MYO5B: variants seen among roughly 807,000 people sequenced by gnomAD.
The protein encoded by MYO5B is myosin VB.
Under a neutral mutation model 229.3 loss-of-function variants are expected in MYO5B, and 143 were observed. That is an observed-to-expected ratio of 0.62 (90% CI 0.54 to 0.72). The LOEUF is 0.72. MYO5B is among the 30% of genes least tolerant of loss of function. The probability of loss-of-function intolerance (pLI) is 0.00; values close to 1 mark genes in which losing one functional copy is unlikely to be tolerated. For synonymous variants in MYO5B, 918 were observed against 885.2 expected (o/e 1.04, Z -0.66); for missense variants, 2,321 against 2,331.0 (o/e 1.00, Z 0.09).
At chr18:50,049,050 G>A (rs553897457) in intron 2 of MYO5B, among the ~76,000 whole-genome samples, 1 of 149,496 alleles carries the variant, frequency 6.7e-6, no homozygotes, top group Admixed American at 6.7e-5. Context: ...AAAGTGTGAA[G>A]TTGGAGGACT....
At chr18:49,971,817 G>A (rs1356464345) in intron 10 of MYO5B, among the ~76,000 whole-genome samples, 1 of 152,188 alleles carries the variant, frequency 6.6e-6, no homozygotes, top group Non-Finnish European at 1.5e-5. Context: ...ACTCAGCACT[G>A]CATTGAGCTA....
At chr18:49,863,028 A>G (rs2024349632) in intron 29 of MYO5B, among the ~76,000 whole-genome samples, 199 bp downstream of exon 29, 1 of 151,936 alleles carries the variant, frequency 6.6e-6, no homozygotes, top group Admixed American at 6.5e-5. Context: ...TGGGCTCTAG[A>G]TGCTGAGAGC....
chr18:50,177,353 G>T (rs1375251081), intron 1 of MYO5B, among the ~76,000 whole-genome samples: 1 of 152,130 alleles, frequency 6.6e-6, no homozygotes, highest in African/African-American at 2.4e-5. Context: ...ATTTTAAGGT[G>T]GCAGCTACAA....
chr18:50,068,854 T>C (rs1359840544), intron 1 of MYO5B, among the ~76,000 whole-genome samples: 2 of 152,202 alleles, frequency 1.3e-5, no homozygotes, highest in African/African-American at 4.8e-5. Context: ...CATTTGCACT[T>C]ATCATTTAAC....
chr18:50,077,190 A>AAAAAAAAAAAAC (rs2031102559), intron 1 of MYO5B, among the ~76,000 whole-genome samples: 1 of 150,358 alleles, frequency 6.7e-6, no homozygotes, highest in African/African-American at 2.5e-5. Flanking sequence ...AAAAAAAAAA[A>AAAAAAAAAAAAC]AAAGACAACT....
At chr18:50,143,484 A>G (rs2032449250) in intron 1 of MYO5B, among the ~76,000 whole-genome samples, 1 of 152,218 alleles carries the variant, frequency 6.6e-6, no homozygotes, top group Non-Finnish European at 1.5e-5. Flanking sequence ...GTTGTTGAAC[A>G]GCACCGGCTG....
chr18:49,926,507 C>T (rs942994436), intron 17 of MYO5B, among the ~76,000 whole-genome samples: 1 of 152,196 alleles, frequency 6.6e-6, no homozygotes, highest in Non-Finnish European at 1.5e-5. Context: ...CACTGTTCAG[C>T]TCAGCTCCAA....
chr18:50,078,678 G>A (rs371218924), intron 1 of MYO5B, among the ~76,000 whole-genome samples: 1 of 152,160 alleles, frequency 6.6e-6, no homozygotes, highest in Non-Finnish European at 1.5e-5. Flanking sequence ...CTCTTCAGCA[G>A]TATCTGCTAA....
intron 1 of MYO5B, among the ~76,000 whole-genome samples, chr18:50,165,917 G>C (rs2032844753): frequency 6.6e-6 from 1 of 152,154 alleles, no homozygotes; most frequent in Admixed American, 6.5e-5. Flanking sequence ...ATCAAGATTT[G>C]TGTCAAAAAA....
At chr18:49,954,256 T>TGA in intron 13 of MYO5B, 57 bp downstream of exon 13, 1 of 1,605,554 alleles carries the variant, frequency 6.2e-7, no homozygotes, top group Non-Finnish European at 8.5e-7. Flanking sequence ...TAGAGCCCAT[T>TGA]GAGTCTACTT....
At chr18:49,853,393 T>C (rs2024224239) in intron 31 of MYO5B, 56 bp downstream of exon 31, 2 of 1,593,148 alleles carry the variant, frequency 1.3e-6, no homozygotes, top group Non-Finnish European at 1.7e-6. Context: ...CCCGATCCCA[T>C]TTGCTTCTAG....
intron 23 of MYO5B, 56 bp from the exon 24 acceptor site, chr18:49,879,146 T>C: frequency 6.2e-7 from 1 of 1,610,192 alleles, no homozygotes; most frequent in Non-Finnish European, 8.5e-7. Flanking sequence ...TCACATGTAT[T>C]GACTCATGTT....
intron 21 of MYO5B, 55 bp downstream of exon 21, chr18:49,902,539 A>G: frequency 6.2e-7 from 1 of 1,600,854 alleles, no homozygotes; most frequent in Non-Finnish European, 8.5e-7. Context: ...GGCTCTCTCA[A>G]AATGCTCCAG....
chr18:50,127,476 T>C (rs2032183596), intron 1 of MYO5B, among the ~76,000 whole-genome samples: 1 of 152,210 alleles, frequency 6.6e-6, no homozygotes, highest in Non-Finnish European at 1.5e-5. Flanking sequence ...TCATGGTATC[T>C]GCCACCCTTC....
chr18:50,057,031 A>G (rs1440264972), intron 1 of MYO5B, among the ~76,000 whole-genome samples: 1 of 152,236 alleles, frequency 6.6e-6, no homozygotes, highest in Non-Finnish European at 1.5e-5. Context: ...GTAAAATAAT[A>G]TAGAGCTTTA....
rs1285841007 is a variant in MYO5B at position 50,115,545 on chromosome 18, G to GAC, written c.28-60168_28-60167insGT. 7.8e-3 allele frequency among the ~76,000 whole-genome samples: 825 copies of GAC among 106,216 alleles called. 17 individuals are homozygous for GAC. In the East Asian group the frequency reaches 0.1, roughly 13 times the overall value. The allele number at this position is 106,216 out of a possible 152,430, so 69.7% of individuals were successfully genotyped here. On this transcript the variant is annotated intron_variant, in intron 1 of 39. Coordinates refer to ENST00000285039, the MANE Select transcript of MYO5B (RefSeq NM_001080467.3). ...TAAAACACACACACACACACACAGA[G>GAC]AGACACACACACACACACACACACA...
At chr18:49,933,238 C>T (rs1211529778) in intron 16 of MYO5B, among the ~76,000 whole-genome samples, 1 of 152,174 alleles carries the variant, frequency 6.6e-6, no homozygotes, top group Non-Finnish European at 1.5e-5. Context: ...TGACCAGGTC[C>T]TCCACAAAGC....
chr18:50,052,602 G>T (rs980832568), intron 2 of MYO5B, among the ~76,000 whole-genome samples: 2 of 149,856 alleles, frequency 1.3e-5, no homozygotes, highest in Admixed American at 6.6e-5. Context: ...TATACCTAAT[G>T]CTAATTGATG....
At chr18:49,908,844 T>A (rs943141751) in intron 18 of MYO5B, among the ~76,000 whole-genome samples, 3 of 152,118 alleles carry the variant, frequency 2.0e-5, no homozygotes, top group African/African-American at 7.2e-5. Context: ...ATCTGTGGAG[T>A]TAAAGAATAA....
Sources: gnomAD v4.1 joint callset for allele counts (sites outside exome capture counted in the v4.1 genomes callset) on GRCh38, gnomAD v4.1.1 for gene constraint, MANE v1.5 for transcripts, NCBI Gene and HGNC (gene_info 2026-07-23, HGNC 2026-07-21) for gene names.